The following DOCK8 variants were observed in gnomAD, a reference collection of about 807,000 sequenced individuals.
The protein encoded by DOCK8 is dedicator of cytokinesis protein 8.
DOCK8 carries 141 observed loss-of-function variants against 245.6 expected under a neutral mutation model. The observed-to-expected ratio is 0.57, with a 90% confidence interval of 0.50 to 0.66. The LOEUF (loss-of-function observed/expected upper bound fraction) is 0.66. DOCK8 is among the 30% of genes least tolerant of loss of function. DOCK8 has a pLI of 0.00. For synonymous variants in DOCK8, 1,168 were observed against 970.2 expected, an observed-to-expected ratio of 1.20 and a Z score of -3.79; for missense variants, 2,965 against 2,603.4, an observed-to-expected ratio of 1.14 and a Z score of -3.02.
At chr9:265,786 CT>C (rs548078872) in intron 1 of DOCK8, among the ~76,000 whole-genome samples, 164 of 152,168 alleles carry the variant, frequency 1.1e-3, no homozygotes, top group African/African-American at 3.8e-3. Context: ...GATTGATCTG[CT>C]TGGAGATTCT....
chr9:239,307 C>T (rs1397641298), intron 1 of DOCK8, among the ~76,000 whole-genome samples: 1 of 152,210 alleles, frequency 6.6e-6, no homozygotes, highest in Non-Finnish European at 1.5e-5. Context: ...TTAAATTTCC[C>T]CTGGAGCTCA....
At chr9:273,202 G>C (rs1159576198) in intron 2 of DOCK8, 1 of 849,984 alleles carries the variant, frequency 1.2e-6, no homozygotes, top group Non-Finnish European at 1.4e-6. Context: ...ATCTTTTACT[G>C]CAGGAGGTAA....
intron 22 of DOCK8, 147 bp downstream of exon 22, chr9:382,832 CT>C: frequency 9.3e-7 from 1 of 1,079,822 alleles, no homozygotes; most frequent in Non-Finnish European, 1.3e-6. Context: ...GATTAACGTT[CT>C]TTAGAACAGA....
chr9:403,980 ATATATATATATGTG>A (rs1262219042), intron 26 of DOCK8, among the ~76,000 whole-genome samples: 3,057 of 77,778 alleles, frequency 0.039, 67 homozygotes, highest in Admixed American at 0.1. Context: ...ATATATGTGT[ATATATATATATGTG>A]TATATATATA....
chr9:425,774 A>C (rs1400612891), intron 33 of DOCK8, among the ~76,000 whole-genome samples: 2 of 151,834 alleles, frequency 1.3e-5, no homozygotes, highest in Non-Finnish European at 2.9e-5. Flanking sequence ...AAAAAAAAAA[A>C]AAAACTTTTA....
rs771347031 is a variant in DOCK8, at chr9:371,468, G to T, written c.1909G>T (p.Ala637Ser). Residue 637 changes from alanine (A) to serine (S), a missense_variant, in exon 17 of 48, where the codon GCT becomes TCT. By Grantham distance (99) the Ala-to-Ser change is moderately conservative. This residue lies in a region of DOCK8 where 2,825 missense variants were observed against 2,453.5 expected (regional missense o/e 1.15). Transcript: ENST00000432829. ...TGAAGAAGTGAAAATTAAGCTCCCCGCTAAGCTCACAGTAAATCACCACCT... is the reference window on the plus strand; with the variant it reads ...TGAAGAAGTGAAAATTAAGCTCCCCTCTAAGCTCACAGTAAATCACCACCT... ...FYEEVKIKLP[A>S]KLTVNHHLLF... is the part of the protein sequence containing the mutation. The T allele has an allele frequency of 6.2e-7, 1 of 1,614,010 alleles. No homozygotes were observed. Among genetic ancestry groups the T allele is most frequent in the Non-Finnish European group, 8.5e-7 (1 of 1,180,008 alleles).
intron 38 of DOCK8, among the ~76,000 whole-genome samples, 160 bp from the exon 39 acceptor site, chr9:434,623 G>A (rs2060376820): frequency 6.6e-6 from 1 of 152,084 alleles, no homozygotes; most frequent in African/African-American, 2.4e-5. Flanking sequence ...ACTAATAAAT[G>A]TTTTCTTCTG....
At position 400,982 on chromosome 9, in the gene DOCK8, ACC is replaced by A. The variant is rs1564017075; in HGVS notation, c.3234+1724_3234+1725del. Among the ~76,000 whole-genome samples the A allele has an allele frequency of 9.1e-5, 11 of 121,292 alleles. 1 individual carries two copies. The highest frequency in any genetic ancestry group is 3.9e-4 in the Admixed American group (5 of 12,812). 79.6% of individuals were successfully genotyped at this position (121,292 alleles called of 152,430 possible). ...CACCACCACCTCCTCCACCATCACC[ACC>A]TCCTCCACCACCACCACCATTAGCT... On this transcript the variant is annotated intron_variant, in intron 26 of 47. Transcript: ENST00000432829.
rs183178878 is a variant in DOCK8, at chr9:387,013, C to T, written c.2874+587C>T. On this transcript the variant is annotated intron_variant, in intron 23 of 47. Coordinates refer to ENST00000432829, the MANE Select transcript of DOCK8 (RefSeq NM_203447.4). ...TTTTAAAGCAACAAAATTCCCCAAT[C>T]ATAGTCCCAGCCTATGTGGTCTGAG... is the stretch of plus-strand genomic sequence containing the variant. Among the ~76,000 whole-genome samples the T allele has an allele frequency of 3.9e-5, 6 of 152,276 alleles. No homozygotes were observed. In the East Asian group the frequency reaches 1.2e-3, roughly 29 times the overall value.
chr9:355,151 G>GA (rs1160748570), intron 14 of DOCK8, among the ~76,000 whole-genome samples: 7 of 150,678 alleles, frequency 4.6e-5, no homozygotes, highest in Admixed American at 4.6e-4. Context: ...CGTGCCTCAT[G>GA]AAAAGTGTTC....
intron 29 of DOCK8, 75 bp from the exon 30 acceptor site, chr9:417,993 C>T (rs2056101064): frequency 1.3e-6 from 2 of 1,592,652 alleles, no homozygotes; most frequent in African/African-American, 1.3e-5. Context: ...TGAGAAGTAT[C>T]AGTCTCTTAT....
Position 376,315 on chromosome 9 carries a change from G to C in DOCK8, c.2205+10G>C. On this transcript the variant is annotated intron_variant, in intron 19 of 47. Coordinates refer to ENST00000432829, the MANE Select transcript of DOCK8 (RefSeq NM_203447.4). Reference sequence around the variant, plus strand: ...TTCTGTACACACCCAGGTAAGGAATGTCAAGGTTAATCATGAAGGTAAAGG... The same window carrying C: ...TTCTGTACACACCCAGGTAAGGAATCTCAAGGTTAATCATGAAGGTAAAGG... 2 of 1,584,486 alleles carry C rather than the reference G, an allele frequency of 1.3e-6. No homozygotes were observed. Among genetic ancestry groups the C allele is most frequent in the Non-Finnish European group, 1.7e-6 (2 of 1,152,948 alleles).
chr9:243,274 A>G (rs1431622585), intron 1 of DOCK8, among the ~76,000 whole-genome samples: 1 of 152,176 alleles, frequency 6.6e-6, no homozygotes, highest in East Asian at 1.9e-4. Flanking sequence ...ATACATTTCA[A>G]TTCGCGTCTA....
intron 1 of DOCK8, among the ~76,000 whole-genome samples, chr9:228,798 G>C (rs1362983999): frequency 6.6e-6 from 1 of 152,250 alleles, no homozygotes; most frequent in East Asian, 1.9e-4. Flanking sequence ...GGCTCAGCTG[G>C]ACAGTTATTC....
At chr9:354,971 A>G (rs1326622015) in intron 14 of DOCK8, among the ~76,000 whole-genome samples, 1 of 152,132 alleles carries the variant, frequency 6.6e-6, no homozygotes, top group East Asian at 1.9e-4. Flanking sequence ...CCCACACTCA[A>G]AGGGAGAGGA....
chr9:425,837 C>G (rs2056479839), intron 33 of DOCK8, among the ~76,000 whole-genome samples: 1 of 151,358 alleles, frequency 6.6e-6, no homozygotes, highest in Non-Finnish European at 1.5e-5. Flanking sequence ...GAAAAAGTGT[C>G]AAGTGGCTTG....
At chr9:262,218 A>AG (rs1375387677) in intron 1 of DOCK8, among the ~76,000 whole-genome samples, 7 of 152,188 alleles carry the variant, frequency 4.6e-5, no homozygotes, top group South Asian at 4.1e-4. Flanking sequence ...TATAATGGCT[A>AG]AAATGAAAAA....
chr9:334,153 C>G, intron 10 of DOCK8, 72 bp from the exon 11 acceptor site: 1 of 1,558,228 alleles, frequency 6.4e-7, no homozygotes, highest in Non-Finnish European at 8.8e-7. Flanking sequence ...AGATGGCTGT[C>G]ATATTCAGGT....
intron 14 of DOCK8, among the ~76,000 whole-genome samples, chr9:344,055 A>G (rs897670915): frequency 6.6e-6 from 1 of 152,172 alleles, no homozygotes; most frequent in Non-Finnish European, 1.5e-5. Flanking sequence ...TCATCATGAG[A>G]AACAGACCCA....
Sources: gnomAD v4.1 joint callset for allele counts (sites outside exome capture counted in the v4.1 genomes callset) on GRCh38, gnomAD v4.1.1 for gene constraint, gnomAD v4.1.1 regional missense constraint, MANE v1.5 for transcripts, NCBI Gene and HGNC (gene_info 2026-07-23, HGNC 2026-07-21) for gene names.